ASPM: variants seen among roughly 807,000 people sequenced by gnomAD.
ASPM encodes abnormal spindle-like microcephaly-associated protein.
In ASPM, 256 loss-of-function variants were observed where a neutral mutation model predicts 366.4. That is an observed-to-expected ratio of 0.70 (90% CI 0.63 to 0.77). ASPM has a LOEUF of 0.77. Among genes scored for constraint, ASPM ranks in the 30% least tolerant of loss-of-function variants. The probability of loss-of-function intolerance (pLI) is 0.00; values close to 1 mark genes in which losing one functional copy is unlikely to be tolerated. For synonymous variants in ASPM, 1,414 were observed against 1,342.9 expected, an observed-to-expected ratio of 1.05 and a Z score of -1.16; for missense variants, 4,146 against 4,090.4, an observed-to-expected ratio of 1.01 and a Z score of -0.37.
At position 197,101,976 on chromosome 1, in the gene ASPM, TCTC is replaced by T. The variant is rs780767629; in HGVS notation, c.7272_7274del (p.Arg2426del). Reference sequence around the variant, plus strand: ...TAGCTTTTTTGAGGGAAATGAATCTTCTCCTCACCAGTAATGATCTAAACCTAC... The same window carrying T: ...TAGCTTTTTTGAGGGAAATGAATCTTCTCACCAGTAATGATCTAAACCTAC... On this transcript the variant is annotated inframe_deletion, in exon 18 of 28. Transcript: ENST00000367409. 1.4e-5 allele frequency: 22 copies of T among 1,612,712 alleles called. No homozygotes were observed. The South Asian group carries it at 2.2e-4, about 16-fold the overall frequency.
At position 197,129,838 on chromosome 1, in the gene ASPM, A is replaced by G. The variant is rs539784072; in HGVS notation, c.2629+77T>C. 4 of 1,538,120 alleles carry G rather than the reference A, an allele frequency of 2.6e-6. No homozygotes were observed. In the East Asian group the frequency reaches 9.0e-5, roughly 35 times the overall value. On this transcript the variant is annotated intron_variant, in intron 8 of 27. Transcript: ENST00000367409. ...TGGTTTCTTTGAGAAAGGAAAATGT[A>G]AACAGAAACAGGAAGAATGACAATA...
chr1:197,098,050 A>C (rs1657036206), intron 18 of ASPM, among the ~76,000 whole-genome samples: 1 of 150,610 alleles, frequency 6.6e-6, no homozygotes, highest in Non-Finnish European at 1.5e-5. Context: ...GAACATCAAA[A>C]TTTACAGACA....
At position 197,102,814 on chromosome 1, in the gene ASPM, A is replaced by G. The variant is rs370777012; in HGVS notation, c.6437T>C (p.Ile2146Thr). Reference sequence around the variant, plus strand: ...ATAATATGCTCTACATCTTACTTGAATAACAATAGCTGCTTTTCTCATTGT... The same window carrying G: ...ATAATATGCTCTACATCTTACTTGAGTAACAATAGCTGCTTTTCTCATTGT... ...YHTMRKAAIV[I>T]QVRCRAYYQG... Residue 2146 changes from isoleucine to threonine, a missense_variant, in exon 18 of 28, where the codon ATT becomes ACT. Ile to Thr is a moderately conservative substitution (Grantham distance 89). Transcript: ENST00000367409. 2 of 1,612,490 alleles carry G rather than the reference A, an allele frequency of 1.2e-6. No individual in the cohort carries two copies. The highest frequency in any genetic ancestry group is 1.7e-6 in the Non-Finnish European group (2 of 1,179,232).
At chr1:197,112,977 TA>T (rs1657633239) in intron 17 of ASPM, among the ~76,000 whole-genome samples, 1 of 151,712 alleles carries the variant, frequency 6.6e-6, no homozygotes, top group Admixed American at 6.6e-5. Flanking sequence ...AAACCTAAAA[TA>T]AAAGGTAATT....
intron 16 of ASPM, among the ~76,000 whole-genome samples, chr1:197,120,944 C>T (rs569983277): frequency 6.6e-6 from 1 of 152,146 alleles, no homozygotes; most frequent in Non-Finnish European, 1.5e-5. Context: ...AGTCTTATTT[C>T]CAAGTCTGGT....
chr1:197,129,765 A>C, intron 8 of ASPM, 150 bp downstream of exon 8: 3 of 858,480 alleles, frequency 3.5e-6, no homozygotes, highest in Non-Finnish European at 5.6e-6. Flanking sequence ...TTAACGGGGA[A>C]TGAGGGTGGA....
intron 6 of ASPM, 140 bp from the exon 7 acceptor site, chr1:197,132,492 A>T (rs1658289988): frequency 1.5e-6 from 1 of 687,666 alleles, no homozygotes; most frequent in Non-Finnish European, 2.5e-6. Flanking sequence ...ATACACTTAT[A>T]GTCTTAAATA....
At chr1:197,119,704 G>T (rs1046290261) in intron 16 of ASPM, among the ~76,000 whole-genome samples, 2 of 151,990 alleles carry the variant, frequency 1.3e-5, no homozygotes, top group African/African-American at 4.8e-5. Context: ...CATATATATA[G>T]GGCCAAATTC....
Position 197,142,473 on chromosome 1 carries a change from A to G in ASPM, c.1779T>C (p.His593=). The G allele has an allele frequency of 6.2e-7, 1 of 1,613,934 alleles. No homozygotes were observed. Among genetic ancestry groups the G allele is most frequent in the Non-Finnish European group, 8.5e-7 (1 of 1,179,856 alleles). The part of the protein sequence containing the change: ...DANVRVAITE[H]TEVREIKRIH... ...TTCTTTTGATTTCTCGCACTTCTGT[A>G]TGTTCTGTAATTGCAACTCTCACAT... is the stretch of plus-strand genomic sequence containing the variant. The change falls in exon 3 of 28, where the codon CAT becomes CAC. Residue 593 remains histidine (H), a synonymous_variant. Coordinates refer to ENST00000367409, the MANE Select transcript of ASPM (RefSeq NM_018136.5).
At chr1:197,127,973 G>T (rs1658139079) in intron 10 of ASPM, among the ~76,000 whole-genome samples, 1 of 151,988 alleles carries the variant, frequency 6.6e-6, no homozygotes, top group African/African-American at 2.4e-5. Flanking sequence ...AGACCATCCT[G>T]GCTAACACGG....
chr1:197,116,142 T>C (rs1244597023), intron 17 of ASPM, among the ~76,000 whole-genome samples: 2 of 152,198 alleles, frequency 1.3e-5, no homozygotes, highest in Non-Finnish European at 2.9e-5. Flanking sequence ...CTTGCTGCTT[T>C]ATCTTGCACT....
chr1:197,096,207 C>CTT, intron 18 of ASPM, 43 bp from the exon 19 acceptor site: 3 of 1,476,748 alleles, frequency 2.0e-6, no homozygotes, highest in African/African-American at 2.8e-5. Context: ...TGAGTTGTCT[C>CTT]TTTTTTTTTG....
intron 1 of ASPM, among the ~76,000 whole-genome samples, chr1:197,144,765 C>T (rs1658717284): frequency 6.6e-6 from 1 of 152,186 alleles, no homozygotes; most frequent in African/African-American, 2.4e-5. Context: ...ACACCCCACA[C>T]CCTGGCAGGT....
At position 197,135,227 on chromosome 1, in the gene ASPM, G is replaced by A. The variant is rs753945250; in HGVS notation, c.2042C>T (p.Pro681Leu). The A allele has an allele frequency of 4.1e-5, 66 of 1,613,770 alleles. No homozygotes were observed. Among genetic ancestry groups the A allele is most frequent in the East Asian group, 3.8e-4 (17 of 44,836 alleles). ...KPLKTDIPRH[P>L]MPFAAKNMFY... The stretch of plus-strand genomic sequence containing the variant: ...CATGTTTTTTGCAGCAAATGGCATC[G>A]GGTGTCTGGGAATATCTAAGAATAC... The change falls in exon 5 of 28, where the codon CCG becomes CTG. Residue 681 changes from proline to leucine, a missense_variant. Pro to Leu is a moderately conservative substitution (Grantham distance 98). Around this residue, in one of 3 missense-constraint regions of ASPM, gnomAD observed 3,624 missense variants for 3,591.7 expected, o/e 1.01. Transcript: ENST00000367409.
At chr1:197,088,109 GA>G (rs1302000472) in intron 26 of ASPM, 146 bp downstream of exon 26, 15 of 767,468 alleles carry the variant, frequency 2.0e-5, no homozygotes, top group African/African-American at 3.5e-5. Flanking sequence ...GATACATCCT[GA>G]ATTCATTTTA....
intron 21 of ASPM, 120 bp downstream of exon 21, chr1:197,092,932 T>G (rs947703198): frequency 2.2e-5 from 20 of 894,386 alleles, no homozygotes; most frequent in Non-Finnish European, 3.3e-5. Context: ...CTGAATTAAT[T>G]CAAGTTAATG....
In ASPM at chr1:197,096,054, T is replaced by A; in HGVS notation, c.8931A>T (p.Ile2977=). The A allele has an allele frequency of 1.9e-6, 3 of 1,609,184 alleles. No homozygotes were observed. The highest frequency in any genetic ancestry group is 2.6e-6 in the Non-Finnish European group (3 of 1,176,212). Residue 2977 remains isoleucine (I), a synonymous_variant, in exon 19 of 28, where the codon ATA becomes ATT. Transcript: ENST00000367409. ...CWRAHKEYLA[I]LKAVKIIQGC... ...CTTGAATAATTTTAACAGCTTTTAA[T>A]ATAGCTAGATATTCTTTGTGTGCTC...
Position 197,101,064 on chromosome 1 carries a change from T to C in ASPM, c.8187A>G (p.Lys2729=), listed in dbSNP as rs779442940. Residue 2729 remains lysine, a synonymous_variant, in exon 18 of 28, where the codon AAA becomes AAG. Coordinates refer to ENST00000367409, the MANE Select transcript of ASPM (RefSeq NM_018136.5). ...QNYYRLYVRV[K]TERKNFLAVQ... is the part of the protein sequence containing the mutation. ...CTGCTAAAAAGTTTTTTCTTTCTGT[T>C]TTTACTCTAACATACAACCTATAAT... 36 of 1,611,340 alleles carry C rather than the reference T, an allele frequency of 2.2e-5. No individual in the cohort carries two copies. The African/African-American group carries it at 3.9e-4, about 17-fold the overall frequency.
At chr1:197,133,242 T>A in intron 6 of ASPM, 108 bp downstream of exon 6, 1 of 1,157,610 alleles carries the variant, frequency 8.6e-7, no homozygotes, top group Admixed American at 2.6e-5. Context: ...CTTAAATATA[T>A]GCCAGTTTTA....
Sources: gnomAD v4.1 joint callset for allele counts (sites outside exome capture counted in the v4.1 genomes callset) on GRCh38, gnomAD v4.1.1 for gene constraint, gnomAD v4.1.1 regional missense constraint, MANE v1.5 for transcripts, NCBI Gene and HGNC (gene_info 2026-07-23, HGNC 2026-07-21) for gene names.